Variants in DSCAM observed in about 807,000 individuals in gnomAD.
DSCAM encodes the protein DS cell adhesion molecule, also known as cell adhesion molecule DSCAM.
A neutral mutation model predicts 217.7 loss-of-function variants in DSCAM; 47 were observed. The ratio of observed to expected loss-of-function variants is 0.22; its 90% confidence interval spans 0.17 to 0.28. The LOEUF (loss-of-function observed/expected upper bound fraction) is 0.28, where lower values mean the gene tolerates loss of function less well. Ranked by LOEUF, DSCAM falls within the 10% of genes least tolerant of loss-of-function variation. DSCAM has a pLI of 1.00. For synonymous variants in DSCAM, 1,056 were observed against 1,015.3 expected, an observed-to-expected ratio of 1.04 and a Z score of -0.76; for missense variants, 2,080 against 2,618.3, an observed-to-expected ratio of 0.79 and a Z score of 4.49.
chr21:40,051,394 T>C (rs368845585), intron 30 of DSCAM, among the ~76,000 whole-genome samples: 28 of 152,372 alleles, frequency 1.8e-4, no homozygotes, highest in Admixed American at 1.0e-3. Context: ...TCACATTAAC[T>C]AGAATTATAA....
At chr21:40,457,107 A>G (rs190589191) in intron 3 of DSCAM, among the ~76,000 whole-genome samples, 210 of 152,282 alleles carry the variant, frequency 1.4e-3, no homozygotes, top group African/African-American at 5.0e-3. Context: ...AGATATAAAT[A>G]CTGGAAAAAC....
Position 40,373,197 on chromosome 21 carries a change from G to A in DSCAM, c.509-3952C>T, listed in dbSNP as rs562939878. On this transcript the variant is annotated intron_variant, in intron 3 of 32. Transcript: ENST00000400454. ...AATCTATTTTGCTGAACTATGGGTT[G>A]TTAATGCTGAAAGTCAGATCTTTAA... 2.6e-3 allele frequency among the ~76,000 whole-genome samples: 394 copies of A among 152,306 alleles called. 4 individuals carry two copies. Among genetic ancestry groups the A allele is most frequent in the African/African-American group, 8.8e-3 (367 of 41,562 alleles).
At chr21:40,578,727 C>A (rs764134166) in intron 3 of DSCAM, among the ~76,000 whole-genome samples, 1 of 152,140 alleles carries the variant, frequency 6.6e-6, no homozygotes, top group Non-Finnish European at 1.5e-5. Context: ...GGCTTCACTC[C>A]TGAAGTCAGC....
chr21:40,384,311 A>T (rs1246946089), intron 3 of DSCAM, among the ~76,000 whole-genome samples: 1 of 152,122 alleles, frequency 6.6e-6, no homozygotes, highest in Non-Finnish European at 1.5e-5. Flanking sequence ...CTGTTACTAA[A>T]ACTGGACAGC....
At chr21:40,757,686 C>T (rs2146576004) in intron 1 of DSCAM, among the ~76,000 whole-genome samples, 1 of 152,342 alleles carries the variant, frequency 6.6e-6, no homozygotes, top group South Asian at 2.1e-4. Flanking sequence ...AGCCCAGACA[C>T]TTAAGAGAAT....
intron 2 of DSCAM, among the ~76,000 whole-genome samples, chr21:40,706,180 CA>C (rs560131166): frequency 0.088 from 8,705 of 99,414 alleles, 245 homozygotes; most frequent in African/African-American, 0.11. Context: ...ACTCCAGTCT[CA>C]AAAAAAAAAA....
intron 3 of DSCAM, among the ~76,000 whole-genome samples, chr21:40,571,663 G>A (rs2146204323): frequency 6.6e-6 from 1 of 152,270 alleles, no homozygotes; most frequent in South Asian, 2.1e-4. Context: ...TAATATACAT[G>A]TGTGTTTGTT....
intron 11 of DSCAM, among the ~76,000 whole-genome samples, chr21:40,263,393 C>A (rs930289665): frequency 6.6e-6 from 1 of 152,136 alleles, no homozygotes. Context: ...AACCAGAAAT[C>A]AATTCCAAAA....
intron 32 of DSCAM, among the ~76,000 whole-genome samples, chr21:40,021,003 G>A (rs1418549752): frequency 6.6e-6 from 1 of 151,982 alleles, no homozygotes; most frequent in Non-Finnish European, 1.5e-5. Flanking sequence ...ACTGAGTTCA[G>A]GGACTGAGAT....
In DSCAM at chr21:40,044,268, G is replaced by A. The variant is rs2088807354; in HGVS notation, c.5193C>T (p.Thr1731=). Residue 1731 remains threonine (T), a synonymous_variant, in exon 31 of 33, where the codon ACC becomes ACT. Coordinates refer to ENST00000400454, the MANE Select transcript of DSCAM (RefSeq NM_001389.5). ...GCCCAGCCTTGGCATTCCTCCTGGT[G>A]GTGGGATCTGTGAAGAGCCAAGAAT... ...VSDARPGTNP[T]TRRNAKAGPT... 6.2e-7 allele frequency: 1 copy of A among 1,613,684 alleles called. No individual in the cohort carries two copies. The highest frequency in any genetic ancestry group is 1.3e-5 in the African/African-American group (1 of 74,914).
intron 3 of DSCAM, among the ~76,000 whole-genome samples, chr21:40,545,974 T>A (rs997073688): frequency 3.9e-5 from 6 of 152,124 alleles, no homozygotes; most frequent in Non-Finnish European, 8.8e-5. Context: ...CGAGCCTTTG[T>A]TCCCTCCTCC....
intron 16 of DSCAM, among the ~76,000 whole-genome samples, chr21:40,157,521 C>T (rs1377197319): frequency 6.6e-6 from 1 of 152,090 alleles, no homozygotes; most frequent in Admixed American, 6.5e-5. Flanking sequence ...ATCCATGCTC[C>T]AATGGATAGT....
intron 9 of DSCAM, among the ~76,000 whole-genome samples, chr21:40,306,675 G>A (rs1166237750): frequency 2.0e-5 from 3 of 151,820 alleles, no homozygotes; most frequent in African/African-American, 7.3e-5. Context: ...TTTGTCAAAG[G>A]CCTTTTCTGC....
At chr21:40,370,199 A>G (rs900257045) in intron 3 of DSCAM, among the ~76,000 whole-genome samples, 1 of 152,074 alleles carries the variant, frequency 6.6e-6, no homozygotes, top group African/African-American at 2.4e-5. Context: ...GTAAATGATC[A>G]TCGTAAGTGG....
intron 3 of DSCAM, among the ~76,000 whole-genome samples, chr21:40,439,260 A>G (rs1369420046): frequency 6.6e-6 from 1 of 152,228 alleles, no homozygotes; most frequent in Admixed American, 6.5e-5. Context: ...TATTAGTTCC[A>G]CAACATATAC....
intron 32 of DSCAM, among the ~76,000 whole-genome samples, chr21:40,020,489 A>G (rs2088244057): frequency 6.6e-6 from 1 of 152,068 alleles, no homozygotes; most frequent in Non-Finnish European, 1.5e-5. Context: ...GACAGCAAGC[A>G]GGGCATACAC....
At chr21:40,029,955 G>A (rs573983541) in intron 32 of DSCAM, among the ~76,000 whole-genome samples, 1 of 152,332 alleles carries the variant, frequency 6.6e-6, no homozygotes, top group South Asian at 2.1e-4. Flanking sequence ...TATACTAAGG[G>A]TCTCCTTTCA....
At chr21:40,816,007 C>T (rs1335291222) in intron 1 of DSCAM, among the ~76,000 whole-genome samples, 1 of 152,152 alleles carries the variant, frequency 6.6e-6, no homozygotes, top group South Asian at 2.1e-4. Flanking sequence ...TCCCTGAGAT[C>T]CCAAAGTCAG....
At chr21:40,679,500 A>G (rs966623966) in intron 3 of DSCAM, among the ~76,000 whole-genome samples, 2 of 152,196 alleles carry the variant, frequency 1.3e-5, no homozygotes, top group African/African-American at 4.8e-5. Flanking sequence ...GACAAAAGCA[A>G]TTACTTAATG....
Sources: gnomAD v4.1 joint callset for allele counts (sites outside exome capture counted in the v4.1 genomes callset) on GRCh38, gnomAD v4.1.1 for gene constraint, MANE v1.5 for transcripts, NCBI Gene and HGNC (gene_info 2026-07-23, HGNC 2026-07-21) for gene names.